CECR2: variants seen among roughly 807,000 people sequenced by gnomAD.
CECR2 encodes the protein CECR2 histone acetyl-lysine reader.
CECR2 carries 30 observed loss-of-function variants against 154.5 expected under a neutral mutation model. The ratio of observed to expected loss-of-function variants is 0.19; its 90% CI spans 0.15 to 0.26. The LOEUF is 0.26. Ranked by LOEUF, CECR2 falls within the 10% of genes least tolerant of loss-of-function variation. The pLI is 1.00. For missense variants in CECR2, 1,743 were observed against 1,829.3 expected (o/e 0.95, Z 0.86); for synonymous variants, 725 against 683.7 (o/e 1.06, Z -0.94).
At chr22:17,387,897 C>T (rs961121457) in intron 1 of CECR2, among the ~76,000 whole-genome samples, 1 of 151,764 alleles carries the variant, frequency 6.6e-6, no homozygotes, top group Non-Finnish European at 1.5e-5. Flanking sequence ...AATCATTAGA[C>T]TTCTGTTAGT....
At chr22:17,426,047 A>G (rs1474769813) in intron 1 of CECR2, among the ~76,000 whole-genome samples, 1 of 152,170 alleles carries the variant, frequency 6.6e-6, no homozygotes, top group Non-Finnish European at 1.5e-5. Context: ...CATCATATGT[A>G]TAGCTTCAGC....
intron 1 of CECR2, among the ~76,000 whole-genome samples, chr22:17,394,144 C>G (rs1262750613): frequency 1.3e-5 from 2 of 151,270 alleles, no homozygotes; most frequent in Non-Finnish European, 2.9e-5. Context: ...GCCTCAGCCT[C>G]CCAAAGTGCT....
intron 1 of CECR2, among the ~76,000 whole-genome samples, chr22:17,463,234 G>T (rs1194362133): frequency 6.6e-6 from 1 of 152,166 alleles, no homozygotes; most frequent in Non-Finnish European, 1.5e-5. Flanking sequence ...GATGAGAGTA[G>T]TGAGAAGCGA....
At chr22:17,476,236 T>C (rs1403166854) in intron 1 of CECR2, among the ~76,000 whole-genome samples, 2 of 151,348 alleles carry the variant, frequency 1.3e-5, no homozygotes, top group Admixed American at 1.3e-4. Flanking sequence ...CCATAGCGTG[T>C]TTTCTGTACC....
intron 9 of CECR2, among the ~76,000 whole-genome samples, chr22:17,527,643 T>C (rs2056286982): frequency 6.6e-6 from 1 of 151,992 alleles, no homozygotes; most frequent in Non-Finnish European, 1.5e-5. Flanking sequence ...GGCACACGCC[T>C]GTAATCCCAG....
chr22:17,506,113 C>G (rs1449630179), intron 7 of CECR2, among the ~76,000 whole-genome samples: 2 of 152,114 alleles, frequency 1.3e-5, no homozygotes, highest in Non-Finnish European at 2.9e-5. Flanking sequence ...TCCCAAAGTG[C>G]TGGGATTATA....
Position 17,377,222 on chromosome 22 carries a change from C to G in CECR2, c.126+7313C>G, listed in dbSNP as rs117530978. Among the ~76,000 whole-genome samples, 492 of 152,274 alleles carry G rather than the reference C, an allele frequency of 3.2e-3. 20 individuals are homozygous for G. The East Asian group carries it at 0.083, about 26-fold the overall frequency. ...ACCAAGTGAAAACTGCAAATCCATA[C>G]TTGGTGTGTTTGCAAATTATAGGAA... On this transcript the variant is annotated intron_variant, in intron 1 of 18. Coordinates refer to ENST00000262608, the MANE Select transcript of CECR2 (RefSeq NM_001290047.2).
intron 7 of CECR2, among the ~76,000 whole-genome samples, chr22:17,507,426 A>T (rs1224100852): frequency 6.6e-6 from 1 of 152,222 alleles, no homozygotes; most frequent in African/African-American, 2.4e-5. Context: ...AGTAACAATG[A>T]TGTAAAGAGA....
intron 4 of CECR2, 82 bp downstream of exon 4, chr22:17,499,631 A>AT (rs919393589): frequency 7.2e-4 from 994 of 1,371,052 alleles, no homozygotes; most frequent in South Asian, 1.0e-3. Flanking sequence ...CTACAGCACA[A>AT]TTTTTTTTTC....
At chr22:17,527,198 T>C (rs910900360) in intron 9 of CECR2, among the ~76,000 whole-genome samples, 6 of 152,084 alleles carry the variant, frequency 3.9e-5, no homozygotes, top group Non-Finnish European at 7.4e-5. Context: ...TGAGTCATGC[T>C]TGTAAGCTCA....
intron 7 of CECR2, among the ~76,000 whole-genome samples, chr22:17,506,379 G>A (rs917238614): frequency 1.3e-5 from 2 of 150,706 alleles, no homozygotes; most frequent in African/African-American, 2.4e-5. Context: ...TTCCTGTCTT[G>A]GCCTCCCAAA....
intron 8 of CECR2, among the ~76,000 whole-genome samples, chr22:17,512,828 TG>T (rs1426388145): frequency 6.6e-6 from 1 of 152,074 alleles, no homozygotes; most frequent in Non-Finnish European, 1.5e-5. Context: ...TGAGAGAGCG[TG>T]GATCTGGCTG....
intron 1 of CECR2, among the ~76,000 whole-genome samples, chr22:17,447,154 C>G (rs1187279792): frequency 6.6e-6 from 1 of 150,962 alleles, no homozygotes; most frequent in Admixed American, 6.6e-5. Flanking sequence ...CCTGCCTCAG[C>G]CTCCCGAGTA....
At chr22:17,380,441 A>G (rs1232148233) in intron 1 of CECR2, among the ~76,000 whole-genome samples, 1 of 152,218 alleles carries the variant, frequency 6.6e-6, no homozygotes, top group African/African-American at 2.4e-5. Context: ...TATGCGTATA[A>G]GTTTCACACT....
chr22:17,457,006 T>C (rs2054864043), intron 1 of CECR2, among the ~76,000 whole-genome samples: 1 of 152,242 alleles, frequency 6.6e-6, no homozygotes, highest in South Asian at 2.1e-4. Context: ...GGTCAGGTTA[T>C]TTAATTGGAA....
At chr22:17,405,646 A>T (rs1471869068) in intron 1 of CECR2, among the ~76,000 whole-genome samples, 1 of 119,502 alleles carries the variant, frequency 8.4e-6, no homozygotes, top group African/African-American at 4.5e-5. Context: ...TCTCAAAAAA[A>T]AAAAAAAAAA....
intron 8 of CECR2, among the ~76,000 whole-genome samples, chr22:17,519,444 A>G (rs1287843108): frequency 6.6e-6 from 1 of 151,816 alleles, no homozygotes; most frequent in African/African-American, 2.4e-5. Context: ...TATTGTTAGT[A>G]GAGACAGGGT....
intron 2 of CECR2, among the ~76,000 whole-genome samples, chr22:17,491,716 A>G (rs1249067996): frequency 6.6e-6 from 1 of 152,110 alleles, no homozygotes; most frequent in Non-Finnish European, 1.5e-5. Flanking sequence ...TCATCTGTAC[A>G]GTATTTAGGT....
At chr22:17,414,251 C>T (rs905629359) in intron 1 of CECR2, among the ~76,000 whole-genome samples, 37 of 152,302 alleles carry the variant, frequency 2.4e-4, no homozygotes, top group East Asian at 5.8e-4. Context: ...GGATTACAGG[C>T]GTGAGCCACT....
Sources: allele counts gnomAD v4.1 joint callset (sites outside exome capture counted in the v4.1 genomes callset), GRCh38; gene constraint gnomAD v4.1.1; transcripts MANE v1.5; gene names NCBI Gene and HGNC (gene_info 2026-07-23, HGNC 2026-07-21).